Variants in NKD1 observed in about 807,000 individuals in gnomAD.
NKD1 encodes NKD inhibitor of Wnt signaling pathway 1.
In NKD1, 21 loss-of-function variants were observed where a neutral mutation model predicts 56.0. The ratio of observed to expected loss-of-function variants is 0.38; its 90% CI spans 0.27 to 0.54. The LOEUF (loss-of-function observed/expected upper bound fraction) is 0.54. Ranked by LOEUF, NKD1 falls within the 20% of genes least tolerant of loss-of-function variation. The probability of loss-of-function intolerance (pLI) is 0.82; values close to 1 mark genes in which losing one functional copy is unlikely to be tolerated. For missense variants in NKD1, 578 were observed against 642.7 expected, an observed-to-expected ratio of 0.90 and a Z score of 1.09; for synonymous variants, 263 against 265.7, an observed-to-expected ratio of 0.99 and a Z score of 0.10.
rs895380127 is a variant in NKD1 at position 50,646,718 on chromosome 16, A to G, written c.*12937A>G. The G allele has an allele frequency of 6.6e-6, 1 of 152,192 alleles. No homozygotes were observed. Among genetic ancestry groups the G allele is most frequent in the Non-Finnish European group, 1.5e-5 (1 of 68,056 alleles). The allele number at this position is 152,192 out of a possible 1,614,324, so 9.4% of individuals were successfully genotyped here. Reference sequence around the variant, plus strand: ...CAAGGCAGTGTCAGCCCAGAACAACACCCTGGAACACCCAAGGGGGCTCCA... The same window carrying G: ...CAAGGCAGTGTCAGCCCAGAACAACGCCCTGGAACACCCAAGGGGGCTCCA... On this transcript the variant is annotated 3_prime_UTR_variant, in exon 10 of 10. Transcript: ENST00000268459.
At chr16:50,624,190 G>T (rs1962158700) in intron 5 of NKD1, among the ~76,000 whole-genome samples, 1 of 152,122 alleles carries the variant, frequency 6.6e-6, no homozygotes, top group Admixed American at 6.5e-5. Flanking sequence ...CCATGGAACA[G>T]AATGGTCTTG....
chr16:50,569,757 A>G (rs1451332293), intron 3 of NKD1, among the ~76,000 whole-genome samples: 1 of 151,862 alleles, frequency 6.6e-6, no homozygotes, highest in Non-Finnish European at 1.5e-5. Flanking sequence ...GCCAGTTCTT[A>G]CTCCTTGTTG....
At chr16:50,608,039 G>A in intron 3 of NKD1, 1 of 497,288 alleles carries the variant, frequency 2.0e-6, no homozygotes, top group Non-Finnish European at 3.7e-6. Flanking sequence ...GGTGAAATGT[G>A]GGAGGCATGA....
At chr16:50,561,745 C>T (rs1243871016) in intron 3 of NKD1, among the ~76,000 whole-genome samples, 1 of 152,152 alleles carries the variant, frequency 6.6e-6, no homozygotes, top group African/African-American at 2.4e-5. Flanking sequence ...AACACATTCT[C>T]TTCATTAAAG....
chr16:50,592,092 C>G (rs574726457), intron 3 of NKD1, among the ~76,000 whole-genome samples: 1 of 152,218 alleles, frequency 6.6e-6, no homozygotes. Flanking sequence ...ACAGAGCTGG[C>G]TAAGGCCACA....
chr16:50,579,759 C>T lies in NKD1; in HGVS notation c.193-28535C>T, dbSNP rs554785155. 1.1e-4 allele frequency among the ~76,000 whole-genome samples: 17 copies of T among 150,748 alleles called. No individual in the cohort carries two copies. The East Asian group carries it at 2.7e-3, about 24-fold the overall frequency. On this transcript the variant is annotated intron_variant, in intron 3 of 9. Coordinates refer to ENST00000268459, the MANE Select transcript of NKD1 (RefSeq NM_033119.5). ...CCACGCATGCACTGTCTTACTCCTG[C>T]GGGCTACCCGCTACACACGCACTCT...
intron 3 of NKD1, among the ~76,000 whole-genome samples, chr16:50,563,352 T>C (rs1281240902): frequency 6.7e-6 from 1 of 148,994 alleles, no homozygotes; most frequent in Non-Finnish European, 1.5e-5. Flanking sequence ...CCATCCTCAA[T>C]GGGCACAGCC....
At chr16:50,559,453 C>T (rs936477910) in intron 3 of NKD1, among the ~76,000 whole-genome samples, 2 of 151,544 alleles carry the variant, frequency 1.3e-5, no homozygotes, top group Non-Finnish European at 2.9e-5. Flanking sequence ...ACGGGATGTG[C>T]AAAGGGCAAG....
chr16:50,597,998 G>A (rs1478384241), intron 3 of NKD1, among the ~76,000 whole-genome samples: 1 of 152,190 alleles, frequency 6.6e-6, no homozygotes, highest in African/African-American at 2.4e-5. Context: ...AGGGAGGAGG[G>A]CGCTCCGGGT....
At chr16:50,559,124 G>C (rs912240515) in intron 3 of NKD1, among the ~76,000 whole-genome samples, 2 of 152,208 alleles carry the variant, frequency 1.3e-5, no homozygotes, top group Non-Finnish European at 2.9e-5. Context: ...TCACATCTGT[G>C]GAATGGGTAG....
chr16:50,642,910 G>GTGTGAACTTGGACAAGCCCCTGC lies in NKD1; in HGVS notation c.*9133_*9155dup, dbSNP rs1217417716. ...CTGTTCCTTCCAGACCCGACTTGTGGTGTGAACTTGGACAAGCCCCTGCTG... is the reference window on the plus strand; with the variant it reads ...CTGTTCCTTCCAGACCCGACTTGTGGTGTGAACTTGGACAAGCCCCTGCTGTGAACTTGGACAAGCCCCTGCTG... On this transcript the variant is annotated 3_prime_UTR_variant, in exon 10 of 10. Transcript: ENST00000268459. 6.6e-6 allele frequency: 1 copy of GTGTGAACTTGGACAAGCCCCTGC among 152,238 alleles called. No homozygotes were observed. The highest frequency in any genetic ancestry group is 6.5e-5 in the Admixed American group (1 of 15,276). 9.4% of individuals were successfully genotyped at this position (152,238 alleles called of 1,614,324 possible).
chr16:50,603,382 A>G (rs577779677), intron 3 of NKD1, among the ~76,000 whole-genome samples: 2 of 152,290 alleles, frequency 1.3e-5, no homozygotes, highest in African/African-American at 4.8e-5. Flanking sequence ...CTGCAGCCTC[A>G]GTGTGCTGGG....
In NKD1 at chr16:50,646,734, G is replaced by T; in HGVS notation, c.*12953G>T. The T allele has an allele frequency of 6.6e-6, 1 of 152,464 alleles. No individual in the cohort carries two copies. Among genetic ancestry groups the T allele is most frequent in the East Asian group, 1.9e-4 (1 of 5,188 alleles). The allele number at this position is 152,464 out of a possible 1,614,324, so 9.4% of individuals were successfully genotyped here. A position where few individuals can be genotyped will look rare whatever the true frequency, so the allele number is the denominator to read the frequency against. On this transcript the variant is annotated 3_prime_UTR_variant, in exon 10 of 10. Transcript: ENST00000268459. The stretch of plus-strand genomic sequence containing the variant: ...CAGAACAACACCCTGGAACACCCAA[G>T]GGGGCTCCAAGGCAGGATGGGACCC...
chr16:50,606,729 G>A (rs138231774), intron 3 of NKD1: 4 of 443,968 alleles, frequency 9.0e-6, no homozygotes, highest in African/African-American at 4.0e-5. Context: ...GGTGGCAGGC[G>A]CAGAGCCCCG....
intron 6 of NKD1, among the ~76,000 whole-genome samples, chr16:50,627,275 TCTATTTC>T (rs1367039265): frequency 6.6e-6 from 1 of 152,174 alleles, no homozygotes; most frequent in African/African-American, 2.4e-5. Context: ...GTTTCCTCAG[TCTATTTC>T]CTCTATTCCT....
intron 4 of NKD1, among the ~76,000 whole-genome samples, chr16:50,611,423 C>T (rs1346576562): frequency 4.7e-5 from 7 of 148,052 alleles, no homozygotes; most frequent in East Asian, 1.9e-4. Flanking sequence ...CCCTCCTCCT[C>T]GGGACCAGGC....
intron 4 of NKD1, among the ~76,000 whole-genome samples, chr16:50,610,545 G>A (rs1022987217): frequency 5.9e-5 from 9 of 152,238 alleles, no homozygotes; most frequent in African/African-American, 2.2e-4. Flanking sequence ...GGGACTGAGG[G>A]GTCCCTCTGT....
At chr16:50,552,491 G>C (rs1404352624) in intron 3 of NKD1, 1 of 152,212 alleles carries the variant, frequency 6.6e-6, no homozygotes, top group Non-Finnish European at 1.5e-5. Flanking sequence ...TGAGGGGCTT[G>C]GGAAATGTCC....
At chr16:50,575,095 G>GTT (rs113190052) in intron 3 of NKD1, 129 of 808,660 alleles carry the variant, frequency 1.6e-4, no homozygotes, top group African/African-American at 1.5e-3. Flanking sequence ...GTAAGTAGGT[G>GTT]TTTTTTTTTT....
Sources: allele counts gnomAD v4.1 joint callset (sites outside exome capture counted in the v4.1 genomes callset), GRCh38; gene constraint gnomAD v4.1.1; transcripts MANE v1.5; gene names NCBI Gene and HGNC (gene_info 2026-07-23, HGNC 2026-07-21).